The following ZDHHC14 variants were observed in gnomAD, a reference collection of about 807,000 sequenced individuals.
ZDHHC14 encodes zDHHC palmitoyltransferase 14.
In ZDHHC14, 16 loss-of-function variants were observed where a neutral mutation model predicts 47.7. That is an observed-to-expected ratio of 0.34 (90% CI 0.23 to 0.51). The LOEUF (loss-of-function observed/expected upper bound fraction) is 0.51, where lower values mean the gene tolerates loss of function less well. ZDHHC14 is among the 20% of genes least tolerant of loss of function. ZDHHC14 has a pLI of 0.97. For synonymous variants in ZDHHC14, 293 were observed against 278.9 expected (o/e 1.05, Z -0.50); for missense variants, 515 against 662.5 (o/e 0.78, Z 2.44).
intron 5 of ZDHHC14, among the ~76,000 whole-genome samples, chr6:157,639,086 T>C (rs1015981808): frequency 6.6e-6 from 1 of 152,254 alleles, no homozygotes; most frequent in African/African-American, 2.4e-5. Flanking sequence ...CATCAACATG[T>C]GGTCTGCCCT....
intron 1 of ZDHHC14, among the ~76,000 whole-genome samples, chr6:157,438,810 G>A (rs1217908704): frequency 1.3e-5 from 2 of 152,186 alleles, no homozygotes; most frequent in East Asian, 1.9e-4. Context: ...ATTTCCAATA[G>A]CAGTTGGAGC....
At chr6:157,471,051 C>G (rs1779342075) in intron 1 of ZDHHC14, among the ~76,000 whole-genome samples, 1 of 152,162 alleles carries the variant, frequency 6.6e-6, no homozygotes, top group Admixed American at 6.5e-5. Context: ...ACCTGAGGAC[C>G]CGGGTTATGA....
chr6:157,505,607 C>T (rs1562452327), intron 1 of ZDHHC14, among the ~76,000 whole-genome samples: 1 of 152,090 alleles, frequency 6.6e-6, no homozygotes, highest in Non-Finnish European at 1.5e-5. Context: ...GTTGGGGGAA[C>T]CAGTGGCTGT....
At chr6:157,512,504 A>G (rs773586258) in intron 1 of ZDHHC14, among the ~76,000 whole-genome samples, 2 of 152,248 alleles carry the variant, frequency 1.3e-5, no homozygotes, top group African/African-American at 4.8e-5. Flanking sequence ...CCACACACAC[A>G]TGCACACTTT....
intron 1 of ZDHHC14, among the ~76,000 whole-genome samples, chr6:157,424,163 G>A (rs1778169951): frequency 6.6e-6 from 1 of 152,198 alleles, no homozygotes; most frequent in Non-Finnish European, 1.5e-5. Flanking sequence ...GGCAGCCACT[G>A]TGTGATATAT....
intron 1 of ZDHHC14, among the ~76,000 whole-genome samples, chr6:157,537,686 C>A (rs902791116): frequency 6.6e-6 from 1 of 152,196 alleles, no homozygotes; most frequent in Non-Finnish European, 1.5e-5. Flanking sequence ...TGGCAGCTGC[C>A]TCATCATCTT....
In ZDHHC14 at chr6:157,463,285, A is replaced by G. The variant is rs1779138009; in HGVS notation, c.246-79300A>G. Reference sequence around the variant, plus strand: ...ATAGAACAATTGAAATTGGTTTTTCAATAGAAACAATTGAATAGTCCAGAT... The same window carrying G: ...ATAGAACAATTGAAATTGGTTTTTCGATAGAAACAATTGAATAGTCCAGAT... On this transcript the variant is annotated intron_variant, in intron 1 of 8. Transcript: ENST00000359775. The surrounding 1 kb of genome is among the most constrained non-coding windows in gnomAD (Gnocchi z 4.4). Among the ~76,000 whole-genome samples the G allele has an allele frequency of 6.6e-6, 1 of 152,114 alleles. No individual in the cohort carries two copies. The highest frequency in any genetic ancestry group is 2.4e-5 in the African/African-American group (1 of 41,366).
In ZDHHC14 at chr6:157,656,117, A is replaced by G. The variant is rs187762633; in HGVS notation, c.1068+2490A>G. Among the ~76,000 whole-genome samples, 25 of 152,296 alleles carry G rather than the reference A, an allele frequency of 1.6e-4. No homozygotes were observed. In the East Asian group the frequency reaches 3.9e-3, roughly 23 times the overall value. The stretch of plus-strand genomic sequence containing the variant: ...TCAGATTCCCCTCTGGAGTCCATTC[A>G]TTCTACACCTGCACCAAGACTCTGG... On this transcript the variant is annotated intron_variant, in intron 8 of 8. Coordinates refer to ENST00000359775, the MANE Select transcript of ZDHHC14 (RefSeq NM_024630.3).
Position 157,673,068 on chromosome 6 carries a change from G to A in ZDHHC14, c.1413G>A (p.Gln471=). The A allele has an allele frequency of 6.4e-7, 1 of 1,571,756 alleles. No homozygotes were observed. Among genetic ancestry groups the A allele is most frequent in the Non-Finnish European group, 8.6e-7 (1 of 1,166,850 alleles). The part of the protein sequence containing the change: ...RTMHVLGLAS[Q]DSLHEDSVRG... Reference sequence around the variant, plus strand: ...TGCACGTGCTGGGCCTGGCCAGCCAGGACTCCCTGCATGAGGACTCTGTGC... The same window carrying A: ...TGCACGTGCTGGGCCTGGCCAGCCAAGACTCCCTGCATGAGGACTCTGTGC... Residue 471 remains glutamine (Q), a synonymous_variant, in exon 9 of 9, where the codon CAG becomes CAA. Transcript: ENST00000359775. The surrounding 1 kb of genome is among the most constrained non-coding windows in gnomAD (Gnocchi z 5.4).
At chr6:157,594,811 C>T (rs1784056975) in intron 3 of ZDHHC14, among the ~76,000 whole-genome samples, 1 of 152,176 alleles carries the variant, frequency 6.6e-6, no homozygotes. Flanking sequence ...CATTCCACAC[C>T]TATCTTGGGG....
intron 8 of ZDHHC14, among the ~76,000 whole-genome samples, chr6:157,658,417 CCA>C (rs1778196812): frequency 6.6e-6 from 1 of 152,190 alleles, no homozygotes; most frequent in Non-Finnish European, 1.5e-5. Flanking sequence ...ACATCTCAGT[CCA>C]CACATGCCAG....
intron 1 of ZDHHC14, among the ~76,000 whole-genome samples, chr6:157,433,057 G>C (rs1778369775): frequency 6.6e-6 from 1 of 152,266 alleles, no homozygotes; most frequent in South Asian, 2.1e-4. Flanking sequence ...CCCAAGAGCG[G>C]TGTGCCTGTG....
rs113602999 is a variant in ZDHHC14 at position 157,487,593 on chromosome 6, T to C, written c.246-54992T>C. 9.6e-4 allele frequency among the ~76,000 whole-genome samples: 146 copies of C among 152,324 alleles called. 1 individual carries two copies. The highest frequency in any genetic ancestry group is 3.4e-3 in the Middle Eastern group (1 of 294). ...CGCTGACTGGCCTAAGGCCATACAG[T>C]CTGTGCATGGCGGAACTGGGATGAA... is the stretch of plus-strand genomic sequence containing the variant. On this transcript the variant is annotated intron_variant, in intron 1 of 8. Coordinates refer to ENST00000359775, the MANE Select transcript of ZDHHC14 (RefSeq NM_024630.3).
intron 3 of ZDHHC14, among the ~76,000 whole-genome samples, chr6:157,623,539 C>CTTTTT (rs1194920593): frequency 2.4e-5 from 3 of 126,214 alleles, no homozygotes; most frequent in East Asian, 2.3e-4. Flanking sequence ...ACTCATACAT[C>CTTTTT]TTTTTTTTTT....
At chr6:157,388,343 A>G (rs1230264868) in intron 1 of ZDHHC14, among the ~76,000 whole-genome samples, 5 of 152,190 alleles carry the variant, frequency 3.3e-5, no homozygotes, top group Admixed American at 1.3e-4. Context: ...ATAATAAGAT[A>G]GTGATGGTTA....
chr6:157,458,783 G>C (rs16900242), intron 1 of ZDHHC14, among the ~76,000 whole-genome samples: 40,866 of 149,144 alleles, frequency 0.27, 6,360 homozygotes, highest in East Asian at 0.5. Flanking sequence ...CTCAATTTAC[G>C]ATATAACTAT....
At chr6:157,604,636 C>T (rs1424863498) in intron 3 of ZDHHC14, among the ~76,000 whole-genome samples, 1 of 152,054 alleles carries the variant, frequency 6.6e-6, no homozygotes, top group Non-Finnish European at 1.5e-5. Flanking sequence ...CTCCGCCTCC[C>T]GGGTTCAAGC....
chr6:157,630,314 T>G (rs577968402), intron 4 of ZDHHC14: 2 of 152,252 alleles, frequency 1.3e-5, no homozygotes, highest in Admixed American at 6.5e-5. Context: ...TTTCACAACC[T>G]CAAGATGCTT....
chr6:157,670,538 G>T (rs564669066), intron 8 of ZDHHC14, among the ~76,000 whole-genome samples: 12 of 151,380 alleles, frequency 7.9e-5, no homozygotes, highest in Non-Finnish European at 1.5e-5. Flanking sequence ...AGGTGATCCT[G>T]CCTGCCTTAG....
Sources: allele counts gnomAD v4.1 joint callset (sites outside exome capture counted in the v4.1 genomes callset), GRCh38; gene constraint gnomAD v4.1.1; non-coding constraint Gnocchi (gnomAD v3.1); transcripts MANE v1.5; gene names NCBI Gene and HGNC (gene_info 2026-07-23, HGNC 2026-07-21).